Variants in NIT2 observed in about 807,000 individuals in gnomAD.
NIT2 encodes omega-amidase NIT2.
A neutral mutation model predicts 42.7 loss-of-function variants in NIT2; 46 were observed. The ratio of observed to expected loss-of-function variants is 1.08; its 90% confidence interval spans 0.85 to 1.38. The LOEUF (loss-of-function observed/expected upper bound fraction) is 1.38. Among genes scored for constraint, NIT2 ranks in the 40% most tolerant of loss-of-function variants. The probability of loss-of-function intolerance (pLI) is 0.00; values close to 1 mark genes in which losing one functional copy is unlikely to be tolerated. For missense variants in NIT2, 309 were observed against 342.5 expected, an observed-to-expected ratio of 0.90 and a Z score of 0.77; for synonymous variants, 123 against 121.9, an observed-to-expected ratio of 1.01 and a Z score of -0.06.
intron 4 of NIT2, among the ~76,000 whole-genome samples, chr3:100,342,654 T>C (rs1706169243): frequency 6.6e-6 from 1 of 152,100 alleles, no homozygotes; most frequent in African/African-American, 2.4e-5. Context: ...TCCATTTTTC[T>C]ACCCCACTGC....
intron 7 of NIT2, chr3:100,349,088 C>A: frequency 7.6e-6 from 3 of 397,022 alleles, no homozygotes; most frequent in Non-Finnish European, 1.4e-5. Flanking sequence ...ATACCAACCT[C>A]ATGGATTTTG....
chr3:100,339,844 A>G lies in NIT2; in HGVS notation c.156A>G (p.Lys52=), dbSNP rs1428519192. Residue 52 remains lysine, a synonymous_variant, in exon 3 of 10, where the codon AAA becomes AAG. Transcript: ENST00000394140. ...GCTTTAATTCTCCATATGGAGCGAA[A>G]TATTTTCCTGAATATGCAGAGAAAA... ...PECFNSPYGA[K]YFPEYAEKIP... is the part of the protein sequence containing the mutation. 1 of 1,611,442 alleles carries G rather than the reference A, an allele frequency of 6.2e-7. No homozygotes were observed. The highest frequency in any genetic ancestry group is 8.5e-7 in the Non-Finnish European group (1 of 1,179,174).
chr3:100,337,351 C>G (rs1342934460), intron 1 of NIT2, among the ~76,000 whole-genome samples: 1 of 152,186 alleles, frequency 6.6e-6, no homozygotes, highest in African/African-American at 2.4e-5. Context: ...GGATCCTTTA[C>G]TGCTGCGTCC....
At position 100,341,090 on chromosome 3, in the gene NIT2, G is replaced by T. The variant is rs749497313; in HGVS notation, c.265G>T (p.Asp89Tyr). 6.2e-7 allele frequency: 1 copy of T among 1,612,476 alleles called. No individual in the cohort carries two copies. The highest frequency in any genetic ancestry group is 1.1e-5 in the South Asian group (1 of 91,044). The change falls in exon 4 of 10, where the codon GAT (aspartate) becomes TAT (tyrosine). Residue 89 changes from aspartate to tyrosine, a missense_variant. Physicochemically the swap from Asp to Tyr is radical, Grantham distance 160 (BLOSUM62 -3). Coordinates refer to ENST00000394140, the MANE Select transcript of NIT2 (RefSeq NM_020202.5). ...AATGAAAGGCTCTATCCCTGAAGAGGATGCTGGGAAATTATATAACACCTG... is the reference window on the plus strand; with the variant it reads ...AATGAAAGGCTCTATCCCTGAAGAGTATGCTGGGAAATTATATAACACCTG... The part of the protein sequence containing the change: ...YLIGGSIPEE[D>Y]AGKLYNTCAV...
chr3:100,339,201 T>A lies in NIT2; in HGVS notation c.122T>A (p.Leu41Ter), dbSNP rs370195293. The A allele has an allele frequency of 2.5e-6, 4 of 1,602,244 alleles. No individual in the cohort carries two copies. The highest frequency in any genetic ancestry group is 3.4e-6 in the Non-Finnish European group (4 of 1,169,344). The change falls in exon 2 of 10, where the codon TTG becomes TAG. Residue 41 changes from leucine (L) to a stop codon, truncating the protein, a stop_gained. Transcript: ENST00000394140. LOFTEE classifies it high-confidence loss of function. ...AATQGAKIVSLPECFNSPYGA... is the reference protein window; with the variant it reads ...AATQGAKIVS ...ACGCAAGGAGCCAAAATAGTTTCTT[T>A]GCCGGTCAGTATGGGAGCAGCCATT...
chr3:100,353,190 C>T (rs768428973), intron 8 of NIT2, among the ~76,000 whole-genome samples: 74 of 152,296 alleles, frequency 4.9e-4, no homozygotes, highest in Non-Finnish European at 5.6e-4. Flanking sequence ...CCAGATGTAG[C>T]GGCTAGACCC....
intron 7 of NIT2, among the ~76,000 whole-genome samples, chr3:100,351,742 C>T (rs1432837263): frequency 1.3e-5 from 2 of 152,104 alleles, no homozygotes; most frequent in Admixed American, 6.6e-5. Context: ...ACAACAAAAG[C>T]CAAAATTGAC....
At position 100,360,682 on chromosome 3, in the gene NIT2, C is replaced by T. The variant is rs1413742837; in HGVS notation, c.*5414C>T. 6.6e-6 allele frequency: 1 copy of T among 152,200 alleles called. No individual in the cohort carries two copies. Among genetic ancestry groups the T allele is most frequent in the African/African-American group, 2.4e-5 (1 of 41,440 alleles). The allele number at this position is 152,200 out of a possible 1,614,324, so 9.4% of individuals were successfully genotyped here. On this transcript the variant is annotated 3_prime_UTR_variant, in exon 10 of 10. Coordinates refer to ENST00000394140, the MANE Select transcript of NIT2 (RefSeq NM_020202.5). ...CTAAGGCAGACACTGTAAAGCTCTA[C>T]ACTGCTGAAAAACTAAGCTTGAGAT...
At chr3:100,355,073 GTTAC>G in intron 9 of NIT2, 100 bp from the exon 10 acceptor site, 1 of 854,800 alleles carries the variant, frequency 1.2e-6, no homozygotes, top group Non-Finnish European at 1.9e-6. Flanking sequence ...ATGTTACTAA[GTTAC>G]TTACTAAGAC....
Position 100,341,149 on chromosome 3 carries a change from A to G in NIT2, c.324A>G (p.Ala108=). The G allele has an allele frequency of 6.2e-7, 1 of 1,610,582 alleles. No homozygotes were observed. Among genetic ancestry groups the G allele is most frequent in the Non-Finnish European group, 8.5e-7 (1 of 1,176,796 alleles). Residue 108 remains alanine (A), a synonymous_variant, in exon 4 of 10, where the codon GCA becomes GCG. Transcript: ENST00000394140. The stretch of plus-strand genomic sequence containing the variant: ...TTGGGCCTGATGGAACTTTACTAGC[A>G]AAGTATAGAAAGGTAAGTAGGAAGT... ...AVFGPDGTLL[A]KYRKIHLFDI...
rs1277494324 is a variant in NIT2 at position 100,356,588 on chromosome 3, C to G, written c.*1320C>G. On this transcript the variant is annotated 3_prime_UTR_variant, in exon 10 of 10. Coordinates refer to ENST00000394140, the MANE Select transcript of NIT2 (RefSeq NM_020202.5). ...GTCATTTAACTTCTGGAAAACAACA[C>G]TGTGTACTGAGAACAAGAGAAAGAC... 1 of 152,156 alleles carries G rather than the reference C, an allele frequency of 6.6e-6. No homozygotes were observed. Among genetic ancestry groups the G allele is most frequent in the Non-Finnish European group, 1.5e-5 (1 of 68,022 alleles). The allele number at this position is 152,156 out of a possible 1,614,324, so 9.4% of individuals were successfully genotyped here. A position where few individuals can be genotyped will look rare whatever the true frequency, so the allele number is the denominator to read the frequency against.
rs570645475 is a variant in NIT2, at chr3:100,359,481, C to T, written c.*4213C>T. 6.6e-6 allele frequency: 1 copy of T among 152,274 alleles called. No individual in the cohort carries two copies. Among genetic ancestry groups the T allele is most frequent in the Non-Finnish European group, 1.5e-5 (1 of 68,044 alleles). The allele number at this position is 152,274 out of a possible 1,614,324, so 9.4% of individuals were successfully genotyped here. A position where few individuals can be genotyped will look rare whatever the true frequency, so the allele number is the denominator to read the frequency against. ...GTTTCTTTCAATTGCTTTTCAGACC[C>T]CGGCAGGCAGATTCTGCCCTCATCT... On this transcript the variant is annotated 3_prime_UTR_variant, in exon 10 of 10. Transcript: ENST00000394140.
chr3:100,355,132 G>T, intron 9 of NIT2, 45 bp from the exon 10 acceptor site: 2 of 1,391,630 alleles, frequency 1.4e-6, no homozygotes, highest in Non-Finnish European at 2.0e-6. Context: ...CTTGGTTAGT[G>T]AGGAGTTGCA....
intron 1 of NIT2, among the ~76,000 whole-genome samples, chr3:100,336,400 GAC>G (rs1229779401): frequency 2.0e-5 from 3 of 152,082 alleles, no homozygotes; most frequent in African/African-American, 7.2e-5. Flanking sequence ...AAAAGAAAAA[GAC>G]ACAAACAAAG....
In NIT2 at chr3:100,355,415, G is replaced by A. The variant is rs1706317159; in HGVS notation, c.*147G>A. ...TATTGAGATGAGAAAGCCTCATTAT[G>A]CTGACATTTTCCACGCCACATTAAA... On this transcript the variant is annotated 3_prime_UTR_variant, in exon 10 of 10. Coordinates refer to ENST00000394140, the MANE Select transcript of NIT2 (RefSeq NM_020202.5). The A allele has an allele frequency of 5.1e-6, 3 of 592,076 alleles. No individual in the cohort carries two copies. The South Asian group carries it at 7.1e-5, about 14-fold the overall frequency. The allele number at this position is 592,076 out of a possible 1,614,324, so 36.7% of individuals were successfully genotyped here. A position where few individuals can be genotyped will look rare whatever the true frequency, so the allele number is the denominator to read the frequency against.
chr3:100,348,528 C>A (rs114681318), intron 6 of NIT2, among the ~76,000 whole-genome samples: 2 of 152,162 alleles, frequency 1.3e-5, no homozygotes, highest in African/African-American at 4.8e-5. Flanking sequence ...TGTTCTCTTG[C>A]GACCGTCCTG....
Position 100,339,093 on chromosome 3 carries a change from G to T in NIT2, c.14G>T (p.Arg5Leu), listed in dbSNP as rs747916306. ...CTTTTGTCTTTGTTCTCAGCTTTCC[G>T]CTTGGCCCTCATCCAGCTTCAGATT... MTSF[R>L]LALIQLQISS... The change falls in exon 2 of 10, where the codon CGC becomes CTC. Residue 5 changes from arginine to leucine, a missense_variant. Transcript: ENST00000394140. 11 of 1,610,244 alleles carry T rather than the reference G, an allele frequency of 6.8e-6. No individual in the cohort carries two copies. Among genetic ancestry groups the T allele is most frequent in the South Asian group, 1.1e-5 (1 of 91,008 alleles).
intron 6 of NIT2, among the ~76,000 whole-genome samples, chr3:100,347,208 G>A (rs1297828601): frequency 9.9e-5 from 15 of 151,984 alleles, no homozygotes. Flanking sequence ...TGATTCTCCT[G>A]TCTCAGCCTC....
At chr3:100,348,351 T>G (rs1183108715) in intron 6 of NIT2, among the ~76,000 whole-genome samples, 1 of 152,228 alleles carries the variant, frequency 6.6e-6, no homozygotes, top group African/African-American at 2.4e-5. Flanking sequence ...GTTAATGAGC[T>G]TATAATGAGG....
Sources: gnomAD v4.1 joint callset for allele counts (sites outside exome capture counted in the v4.1 genomes callset) on GRCh38, gnomAD v4.1.1 for gene constraint, MANE v1.5 for transcripts, NCBI Gene and HGNC (gene_info 2026-07-23, HGNC 2026-07-21) for gene names.